Variants in PSEN1 observed in about 807,000 individuals in gnomAD.
The protein encoded by PSEN1 is presenilin-1.
PSEN1 carries 15 observed loss-of-function variants against 53.5 expected under a neutral mutation model. The observed-to-expected ratio is 0.28, with a 90% CI of 0.19 to 0.43. The LOEUF (loss-of-function observed/expected upper bound fraction) is 0.43. Among genes scored for constraint, PSEN1 ranks in the 20% least tolerant of loss-of-function variants. PSEN1 has a pLI of 1.00. For synonymous variants in PSEN1, 208 were observed against 209.8 expected (o/e 0.99, Z 0.08); for missense variants, 387 against 571.2 (o/e 0.68, Z 3.29).
intron 8 of PSEN1, among the ~76,000 whole-genome samples, chr14:73,204,611 T>C (rs1463162537): frequency 6.6e-6 from 1 of 151,896 alleles, no homozygotes; most frequent in Non-Finnish European, 1.5e-5. Context: ...CAGAAAAAGT[T>C]AGCTGGACAT....
At chr14:73,195,270 T>G (rs554259970) in intron 7 of PSEN1, among the ~76,000 whole-genome samples, 1 of 152,142 alleles carries the variant, frequency 6.6e-6, no homozygotes, top group South Asian at 2.1e-4. Flanking sequence ...CCTCCCGGGA[T>G]CAAGCGATTC....
At chr14:73,204,703 T>G (rs1566649684) in intron 8 of PSEN1, among the ~76,000 whole-genome samples, 1 of 152,160 alleles carries the variant, frequency 6.6e-6, no homozygotes, top group Non-Finnish European at 1.5e-5. Flanking sequence ...AAAGAAAACC[T>G]AATAAATCGC....
intron 1 of PSEN1, among the ~76,000 whole-genome samples, chr14:73,146,892 A>G (rs1044158203): frequency 6.6e-6 from 1 of 152,202 alleles, no homozygotes; most frequent in African/African-American, 2.4e-5. Context: ...TGAAATCATA[A>G]AGAATTGGCT....
At chr14:73,173,747 T>G in intron 5 of PSEN1, 40 bp downstream of exon 5, 1 of 1,606,974 alleles carries the variant, frequency 6.2e-7, no homozygotes, top group South Asian at 1.1e-5. Context: ...CACCCTGTTC[T>G]TCTTATGGTT....
At chr14:73,181,917 G>A (rs1898227465) in intron 5 of PSEN1, among the ~76,000 whole-genome samples, 1 of 152,034 alleles carries the variant, frequency 6.6e-6, no homozygotes, top group Non-Finnish European at 1.5e-5. Flanking sequence ...GGGACTACAG[G>A]CACCTGCCAC....
At chr14:73,217,330 C>T (rs1383314747) in intron 11 of PSEN1, 86 bp downstream of exon 11, 7 of 1,506,836 alleles carry the variant, frequency 4.6e-6, no homozygotes, top group South Asian at 4.5e-5. Context: ...TCTGTTTTAA[C>T]CCCAGGTGGG....
At chr14:73,146,485 G>A (rs1319059340) in intron 1 of PSEN1, among the ~76,000 whole-genome samples, 1 of 152,038 alleles carries the variant, frequency 6.6e-6, no homozygotes, top group Non-Finnish European at 1.5e-5. Context: ...TTTGCATTTC[G>A]CTGATCTCAT....
rs1900086759 is a variant in PSEN1 at position 73,220,152 on chromosome 14, C to T, written c.*863C>T. Reference sequence around the variant, plus strand: ...GAATTTGTAGACATACTTGTACGCTCACTTGCCCCAGATGCCTCCTCTGTC... The same window carrying T: ...GAATTTGTAGACATACTTGTACGCTTACTTGCCCCAGATGCCTCCTCTGTC... On this transcript the variant is annotated 3_prime_UTR_variant, in exon 12 of 12. Transcript: ENST00000324501. 1.3e-5 allele frequency: 2 copies of T among 152,228 alleles called. No individual in the cohort carries two copies. The highest frequency in any genetic ancestry group is 2.4e-5 in the African/African-American group (1 of 41,450). The allele number at this position is 152,228 out of a possible 1,614,324, so 9.4% of individuals were successfully genotyped here.
intron 4 of PSEN1, among the ~76,000 whole-genome samples, chr14:73,172,830 T>C (rs996348096): frequency 1.3e-5 from 2 of 152,214 alleles, no homozygotes; most frequent in South Asian, 2.1e-4. Context: ...CTTCTTTAGC[T>C]TCTAACCTCT....
At chr14:73,160,844 G>A (rs1168361068) in intron 3 of PSEN1, among the ~76,000 whole-genome samples, 1 of 110,976 alleles carries the variant, frequency 9.0e-6, no homozygotes, top group African/African-American at 3.6e-5. Flanking sequence ...GTCTCGCTCT[G>A]TCGCCCATCC....
At chr14:73,144,145 A>G (rs968190806) in intron 1 of PSEN1, among the ~76,000 whole-genome samples, 11 of 146,912 alleles carry the variant, frequency 7.5e-5, no homozygotes, top group African/African-American at 2.0e-4. Context: ...GGTTCAAGCA[A>G]TTGTCCTGCC....
chr14:73,197,853 G>T (rs796848793), intron 7 of PSEN1, 178 bp from the exon 8 acceptor site: 6 of 599,142 alleles, frequency 1.0e-5, no homozygotes, highest in African/African-American at 1.9e-5. Context: ...TGTTTATGTT[G>T]TCTCCCCCAC....
At chr14:73,162,975 A>AT (rs1419130731) in intron 3 of PSEN1, among the ~76,000 whole-genome samples, 2 of 151,958 alleles carry the variant, frequency 1.3e-5, no homozygotes, top group Non-Finnish European at 2.9e-5. Flanking sequence ...TTTATTTTTA[A>AT]TTTTTGCTTT....
chr14:73,197,406 C>T (rs1899000252), intron 7 of PSEN1, among the ~76,000 whole-genome samples: 1 of 152,046 alleles, frequency 6.6e-6, no homozygotes, highest in Non-Finnish European at 1.5e-5. Flanking sequence ...ATATTTGTGA[C>T]CAAAGAGTAA....
intron 4 of PSEN1, among the ~76,000 whole-genome samples, chr14:73,171,462 A>G (rs1038667485): frequency 1.1e-4 from 17 of 152,202 alleles, no homozygotes; most frequent in African/African-American, 4.1e-4. Context: ...ACTCGAATAT[A>G]AAATTTTCCT....
At chr14:73,137,786 T>C (rs1383307325) in intron 1 of PSEN1, among the ~76,000 whole-genome samples, 1 of 151,982 alleles carries the variant, frequency 6.6e-6, no homozygotes, top group Non-Finnish European at 1.5e-5. Flanking sequence ...CGCTAGCCAA[T>C]AGAAATAAAA....
At chr14:73,180,167 T>C (rs1171196388) in intron 5 of PSEN1, among the ~76,000 whole-genome samples, 1 of 152,022 alleles carries the variant, frequency 6.6e-6, no homozygotes, top group Non-Finnish European at 1.5e-5. Flanking sequence ...GCATTTTTAG[T>C]AGAGATGAGG....
At chr14:73,161,910 T>C (rs1897551013) in intron 3 of PSEN1, among the ~76,000 whole-genome samples, 1 of 150,846 alleles carries the variant, frequency 6.6e-6, no homozygotes, top group Non-Finnish European at 1.5e-5. Context: ...ATCCCAGCAC[T>C]TTGGGAGGCT....
At chr14:73,152,799 T>TTGG (rs903976167) in intron 3 of PSEN1, among the ~76,000 whole-genome samples, 3 of 152,176 alleles carry the variant, frequency 2.0e-5, no homozygotes, top group African/African-American at 7.2e-5. Context: ...TCCCAGCACT[T>TTGG]TGGGAGGCCA....
Sources: allele counts gnomAD v4.1 joint callset (sites outside exome capture counted in the v4.1 genomes callset), GRCh38; gene constraint gnomAD v4.1.1; transcripts MANE v1.5; gene names NCBI Gene and HGNC (gene_info 2026-07-23, HGNC 2026-07-21).